COL25A1: variants seen among roughly 807,000 people sequenced by gnomAD.
The protein encoded by COL25A1 is collagen type XXV alpha 1 chain, also known as collagen alpha-1(XXV) chain.
In COL25A1, 103 loss-of-function variants were observed where a neutral mutation model predicts 128.4. The observed-to-expected ratio is 0.80, with a 90% CI of 0.68 to 0.94. COL25A1 has a LOEUF of 0.94. COL25A1 is among the 40% of genes least tolerant of loss of function. COL25A1 has a pLI of 0.00. For synonymous variants in COL25A1, 279 were observed against 277.2 expected, an observed-to-expected ratio of 1.01 and a Z score of -0.06; for missense variants, 745 against 840.0, an observed-to-expected ratio of 0.89 and a Z score of 1.40.
intron 3 of COL25A1, among the ~76,000 whole-genome samples, chr4:109,187,854 A>C (rs937339183): frequency 3.3e-5 from 5 of 152,210 alleles, no homozygotes; most frequent in Middle Eastern, 3.4e-3. Flanking sequence ...GAAAAATAAA[A>C]TTAAATTAAA....
intron 3 of COL25A1, among the ~76,000 whole-genome samples, chr4:109,138,772 G>C (rs1293189377): frequency 6.6e-6 from 1 of 151,900 alleles, no homozygotes; most frequent in Non-Finnish European, 1.5e-5. Context: ...GCAGTGGCAC[G>C]ATCTCAGCTC....
intron 17 of COL25A1, 31 bp downstream of exon 17, chr4:108,889,670 G>A: frequency 3.7e-6 from 6 of 1,605,364 alleles, no homozygotes; most frequent in South Asian, 1.1e-5. Flanking sequence ...TGTAACTCCT[G>A]GAGTACAAAT....
chr4:109,046,551 A>G (rs980187476), intron 5 of COL25A1, among the ~76,000 whole-genome samples: 2 of 152,216 alleles, frequency 1.3e-5, no homozygotes, highest in Non-Finnish European at 2.9e-5. Context: ...TTACTTACTT[A>G]ACATGAAGAG....
chr4:108,824,044 A>G (rs1732079783), intron 35 of COL25A1, 130 bp downstream of exon 35: 1 of 1,611,898 alleles, frequency 6.2e-7, no homozygotes, highest in African/African-American at 1.3e-5. Context: ...TCCTTAAATC[A>G]GGCATCAGTA....
intron 23 of COL25A1, among the ~76,000 whole-genome samples, chr4:108,860,150 TG>T (rs1163367131): frequency 6.6e-6 from 1 of 152,202 alleles, no homozygotes; most frequent in African/African-American, 2.4e-5. Context: ...CTCACTCTGT[TG>T]CCCAGGCTGG....
At chr4:109,235,958 T>G (rs1318442110) in intron 3 of COL25A1, among the ~76,000 whole-genome samples, 1 of 152,148 alleles carries the variant, frequency 6.6e-6, no homozygotes, top group Non-Finnish European at 1.5e-5. Flanking sequence ...TCTTCTATAC[T>G]TCTCCACACC....
chr4:109,095,425 T>G (rs565052120), intron 3 of COL25A1, among the ~76,000 whole-genome samples: 10 of 152,328 alleles, frequency 6.6e-5, no homozygotes, highest in Admixed American at 6.5e-4. Context: ...ATTCCATTAT[T>G]TTTCACTGGA....
chr4:109,235,503 A>G (rs1269928943), intron 3 of COL25A1, among the ~76,000 whole-genome samples: 1 of 151,780 alleles, frequency 6.6e-6, no homozygotes, highest in Non-Finnish European at 1.5e-5. Context: ...AAACTGCTGG[A>G]GCACTGAAGG....
intron 5 of COL25A1, among the ~76,000 whole-genome samples, chr4:109,012,181 T>G: frequency 6.6e-6 from 1 of 152,174 alleles, no homozygotes; most frequent in East Asian, 1.9e-4. Flanking sequence ...CCCCGCTAAC[T>G]TTATTAAAAA....
chr4:109,021,878 G>C, intron 5 of COL25A1: 1 of 376,380 alleles, frequency 2.7e-6, no homozygotes, highest in South Asian at 2.0e-5. Flanking sequence ...GGCTTACTAG[G>C]ATTGGGAAAC....
chr4:109,290,260 C>CT (rs947768202), intron 3 of COL25A1, among the ~76,000 whole-genome samples: 4 of 151,878 alleles, frequency 2.6e-5, no homozygotes, highest in African/African-American at 7.3e-5. Flanking sequence ...ATAAATGAAC[C>CT]TTTTTTTTAA....
intron 3 of COL25A1, among the ~76,000 whole-genome samples, chr4:109,199,933 T>C (rs530423799): frequency 1.3e-5 from 2 of 152,306 alleles, no homozygotes; most frequent in East Asian, 3.9e-4. Context: ...ATAATATACA[T>C]GGACTGTCAG....
At chr4:109,116,902 G>C (rs1405243392) in intron 3 of COL25A1, among the ~76,000 whole-genome samples, 1 of 151,928 alleles carries the variant, frequency 6.6e-6, no homozygotes, top group Non-Finnish European at 1.5e-5. Context: ...ACAGGACATG[G>C]CTGAGGAGAA....
At chr4:108,851,836 C>T (rs9992413) in intron 26 of COL25A1, among the ~76,000 whole-genome samples, 117,518 of 152,048 alleles carry the variant, frequency 0.77, 46,196 homozygotes, top group South Asian at 0.88. Context: ...ACTCTTTTTA[C>T]TATAAAAGCA....
chr4:109,188,322 G>A (rs1279296123), intron 3 of COL25A1, among the ~76,000 whole-genome samples: 1 of 152,150 alleles, frequency 6.6e-6, no homozygotes, highest in Non-Finnish European at 1.5e-5. Flanking sequence ...CAACAAGTTT[G>A]GGAAGAGAAG....
rs369512110 is a variant in COL25A1 at position 108,949,603 on chromosome 4, G to A, written c.493-8166C>T. Among the ~76,000 whole-genome samples the A allele has an allele frequency of 3.1e-4, 47 of 151,094 alleles. No homozygotes were observed. In the East Asian group the frequency reaches 7.6e-3, roughly 24 times the overall value. On this transcript the variant is annotated intron_variant, in intron 8 of 37. Coordinates refer to ENST00000399132, the MANE Select transcript of COL25A1 (RefSeq NM_198721.4). ...GACTGGAGTGCAGTGGCACGATCTCGGCTCACTGCAACCTCTACCTCCTGG... is the reference window on the plus strand; with the variant it reads ...GACTGGAGTGCAGTGGCACGATCTCAGCTCACTGCAACCTCTACCTCCTGG...
chr4:108,949,030 C>T (rs886691790), intron 8 of COL25A1, among the ~76,000 whole-genome samples: 8 of 152,238 alleles, frequency 5.3e-5, no homozygotes, highest in African/African-American at 1.9e-4. Flanking sequence ...GAAGATGAGA[C>T]CCCATGAAAA....
At chr4:109,228,341 C>T (rs184196037) in intron 3 of COL25A1, among the ~76,000 whole-genome samples, 33 of 152,264 alleles carry the variant, frequency 2.2e-4, no homozygotes, top group African/African-American at 7.7e-4. Context: ...TTGGCACCCA[C>T]ACACATCTCT....
intron 3 of COL25A1, among the ~76,000 whole-genome samples, chr4:109,060,576 C>G (rs560186148): frequency 1.7e-4 from 26 of 151,508 alleles, no homozygotes; most frequent in African/African-American, 6.1e-4. Flanking sequence ...TAGATGTTAC[C>G]AATTGTAGTG....
Sources: allele counts gnomAD v4.1 joint callset (sites outside exome capture counted in the v4.1 genomes callset), GRCh38; gene constraint gnomAD v4.1.1; transcripts MANE v1.5; gene names NCBI Gene and HGNC (gene_info 2026-07-23, HGNC 2026-07-21).